TRPM3: variants seen among roughly 807,000 people sequenced by gnomAD.
TRPM3 encodes long transient receptor potential channel 3.
TRPM3 carries 77 observed loss-of-function variants against 181.2 expected under a neutral mutation model. The ratio of observed to expected loss-of-function variants is 0.42; its 90% CI spans 0.35 to 0.51. TRPM3 has a LOEUF of 0.51. Among genes scored for constraint, TRPM3 ranks in the 20% least tolerant of loss-of-function variants. TRPM3 has a pLI of 0.01. For synonymous variants in TRPM3, 745 were observed against 796.4 expected (o/e 0.94, Z 1.09); for missense variants, 1,759 against 2,196.7 (o/e 0.80, Z 3.98).
chr9:70,598,056 A>T (rs902481103), intron 21 of TRPM3, among the ~76,000 whole-genome samples: 1 of 152,112 alleles, frequency 6.6e-6, no homozygotes, highest in Non-Finnish European at 1.5e-5. Context: ...CTTTATACAC[A>T]TCTCTATTAC....
At chr9:70,960,534 G>A (rs2097126481) in intron 1 of TRPM3, among the ~76,000 whole-genome samples, 1 of 152,162 alleles carries the variant, frequency 6.6e-6, no homozygotes, top group Admixed American at 6.5e-5. Context: ...GAAGCATGAT[G>A]ATAATTCCTC....
At chr9:71,296,742 A>T (rs959808912) in intron 1 of TRPM3, among the ~76,000 whole-genome samples, 3 of 152,170 alleles carry the variant, frequency 2.0e-5, no homozygotes, top group African/African-American at 7.2e-5. Context: ...GAAGATTGCT[A>T]CAAGACCCAA....
At chr9:70,873,325 T>G (rs964438229) in intron 1 of TRPM3, among the ~76,000 whole-genome samples, 8 of 151,962 alleles carry the variant, frequency 5.3e-5, no homozygotes, top group African/African-American at 1.9e-4. Context: ...AACACTGCCA[T>G]CAGTGTGTTC....
At chr9:70,974,863 A>AT (rs1177545043) in intron 1 of TRPM3, among the ~76,000 whole-genome samples, 3,735 of 117,964 alleles carry the variant, frequency 0.032, 196 homozygotes, top group African/African-American at 0.045. Flanking sequence ...TGGAACATCA[A>AT]TTTTTTTTTT....
At chr9:71,264,004 G>A (rs974855022) in intron 1 of TRPM3, among the ~76,000 whole-genome samples, 4 of 152,022 alleles carry the variant, frequency 2.6e-5, no homozygotes, top group African/African-American at 7.2e-5. Context: ...GGCTGGTCTC[G>A]AATTCCTGGG....
rs2077477444 is a variant in TRPM3, at chr9:71,182,848, G to A, written c.183+263805C>T. 2.6e-5 allele frequency among the ~76,000 whole-genome samples: 4 copies of A among 152,010 alleles called. No individual in the cohort carries two copies. The South Asian group carries it at 8.3e-4, about 32-fold the overall frequency. On this transcript the variant is annotated intron_variant, in intron 1 of 24. Coordinates refer to the TRPM3 transcript ENST00000357533. The stretch of plus-strand genomic sequence containing the variant: ...AGCTAATTTTTCTATTTTTAGCAGA[G>A]ATGGGCTTTCACCATATTGGCCAGG...
intron 8 of TRPM3, among the ~76,000 whole-genome samples, chr9:70,686,457 T>G (rs548584162): frequency 6.6e-6 from 1 of 152,326 alleles, no homozygotes; most frequent in Admixed American, 6.5e-5. Flanking sequence ...GTTCTTTAAT[T>G]TATTATTCTG....
At chr9:71,300,541 C>T (rs528344792) in intron 1 of TRPM3, among the ~76,000 whole-genome samples, 5 of 152,044 alleles carry the variant, frequency 3.3e-5, no homozygotes, top group African/African-American at 1.2e-4. Context: ...ACTGTTAACT[C>T]AAAACAATGT....
chr9:71,373,905 C>T (rs925725017), intron 1 of TRPM3, among the ~76,000 whole-genome samples: 3 of 152,170 alleles, frequency 2.0e-5, no homozygotes, highest in Non-Finnish European at 4.4e-5. Flanking sequence ...AATCCAGCAG[C>T]ACATCAAAAA....
intron 1 of TRPM3, among the ~76,000 whole-genome samples, chr9:71,227,119 A>G (rs1375873501): frequency 6.6e-6 from 1 of 150,708 alleles, no homozygotes; most frequent in African/African-American, 2.4e-5. Flanking sequence ...AAAAAAAAAA[A>G]AAAAAAAAAA....
intron 1 of TRPM3, among the ~76,000 whole-genome samples, chr9:71,353,178 C>A (rs2091736087): frequency 6.6e-6 from 1 of 152,028 alleles, no homozygotes; most frequent in African/African-American, 2.4e-5. Context: ...CTCCAATGCA[C>A]CACCCCACCC....
intron 1 of TRPM3, among the ~76,000 whole-genome samples, chr9:71,053,105 A>C (rs1368310574): frequency 1.3e-5 from 2 of 150,556 alleles, no homozygotes; most frequent in East Asian, 3.9e-4. Context: ...AAAAAAAAAA[A>C]AAAAAAAAAA....
intron 6 of TRPM3, among the ~76,000 whole-genome samples, chr9:70,794,970 AATAC>A (rs1285937306): frequency 6.6e-6 from 1 of 152,210 alleles, no homozygotes; most frequent in Non-Finnish European, 1.5e-5. Flanking sequence ...TCCTATACTG[AATAC>A]ATACAGACAT....
At chr9:70,906,136 A>C (rs996174750) in intron 1 of TRPM3, among the ~76,000 whole-genome samples, 8 of 152,146 alleles carry the variant, frequency 5.3e-5, no homozygotes, top group Non-Finnish European at 1.0e-4. Context: ...TTGACAACTT[A>C]AAAAAATCTT....
chr9:71,224,136 G>A (rs2080426001), intron 1 of TRPM3, among the ~76,000 whole-genome samples: 1 of 152,194 alleles, frequency 6.6e-6, no homozygotes, highest in Non-Finnish European at 1.5e-5. Flanking sequence ...ACCAGTGGTG[G>A]TGGGGCCACA....
chr9:71,138,510 A>C (rs182003734), intron 1 of TRPM3, among the ~76,000 whole-genome samples: 2 of 152,174 alleles, frequency 1.3e-5, no homozygotes, highest in African/African-American at 4.8e-5. Context: ...TTCTAATAGG[A>C]AATCAATCTT....
intron 1 of TRPM3, among the ~76,000 whole-genome samples, chr9:71,224,763 A>G (rs1173516501): frequency 6.6e-6 from 1 of 152,114 alleles, no homozygotes; most frequent in Non-Finnish European, 1.5e-5. Context: ...CTGGAGACAG[A>G]GCAAGACCCT....
At chr9:71,394,477 G>A (rs1284196474) in intron 1 of TRPM3, among the ~76,000 whole-genome samples, 2 of 152,086 alleles carry the variant, frequency 1.3e-5, no homozygotes, top group African/African-American at 4.8e-5. Flanking sequence ...AAAGATACAT[G>A]GAGACTACAA....
At chr9:70,957,678 A>G (rs1287258611) in intron 1 of TRPM3, among the ~76,000 whole-genome samples, 2 of 152,204 alleles carry the variant, frequency 1.3e-5, no homozygotes, top group Admixed American at 6.5e-5. Flanking sequence ...CTTTGCCCAA[A>G]GTCCTCAAAC....
Sources: allele counts gnomAD v4.1 joint callset (sites outside exome capture counted in the v4.1 genomes callset), GRCh38; gene constraint gnomAD v4.1.1; transcripts MANE v1.5; gene names NCBI Gene and HGNC (gene_info 2026-07-23, HGNC 2026-07-21).